The following ILKAP variants were observed in gnomAD, a reference collection of about 807,000 sequenced individuals.
ILKAP encodes the protein ILK associated serine/threonine phosphatase, also known as integrin-linked kinase-associated serine/threonine phosphatase 2C.
Under a neutral mutation model 49.1 loss-of-function variants are expected in ILKAP, and 11 were observed. That is an observed-to-expected ratio of 0.22 (90% CI 0.14 to 0.37). The LOEUF is 0.37. Among genes scored for constraint, ILKAP ranks in the 10% least tolerant of loss-of-function variants. The pLI is 1.00. For synonymous variants in ILKAP, 186 were observed against 192.8 expected (o/e 0.96, Z 0.29); for missense variants, 363 against 510.8 (o/e 0.71, Z 2.79).
At chr2:238,185,083 C>G (rs1693848789) in intron 6 of ILKAP, 98 bp downstream of exon 6, 1 of 745,282 alleles carries the variant, frequency 1.3e-6, no homozygotes, top group African/African-American at 1.7e-5. Flanking sequence ...ATCAATGATT[C>G]TCTGCTAAAG....
intron 10 of ILKAP, among the ~76,000 whole-genome samples, chr2:238,173,323 C>T (rs1211864009): frequency 6.6e-6 from 1 of 150,650 alleles, no homozygotes; most frequent in Non-Finnish European, 1.5e-5. Context: ...ATGCCTAGGA[C>T]ACACTGGACT....
At chr2:238,173,484 GAAAT>G (rs1323309882) in intron 10 of ILKAP, 46 bp downstream of exon 10, 3 of 1,591,710 alleles carry the variant, frequency 1.9e-6, no homozygotes, top group South Asian at 2.2e-5. Context: ...GTGAGGAAGA[GAAAT>G]AAACCCACAT....
At chr2:238,202,704 T>C (rs945271247) in intron 1 of ILKAP, among the ~76,000 whole-genome samples, 9 of 152,080 alleles carry the variant, frequency 5.9e-5, no homozygotes, top group African/African-American at 1.9e-4. Flanking sequence ...TTCACGCGTT[T>C]TGACAGATGA....
At chr2:238,203,251 G>A (rs1181183169) in intron 1 of ILKAP, among the ~76,000 whole-genome samples, 2 of 150,976 alleles carry the variant, frequency 1.3e-5, no homozygotes, top group African/African-American at 2.4e-5. Flanking sequence ...GGCCACGACG[G>A]CTCGGCCCTT....
At chr2:238,172,476 C>A (rs980732999) in intron 10 of ILKAP, among the ~76,000 whole-genome samples, 1 of 152,192 alleles carries the variant, frequency 6.6e-6, no homozygotes, top group Non-Finnish European at 1.5e-5. Context: ...GAGACTCAGA[C>A]CCTCAATAAC....
rs3832064 is a variant in ILKAP, at chr2:238,173,525, G to GC, written c.956+8dup. 1,319,376 of 1,611,516 alleles carry GC rather than the reference G, an allele frequency of 0.82. 541,834 individuals carry two copies. The highest frequency in any genetic ancestry group is 0.98 in the East Asian group (43,927 of 44,802). ...CACACACACCTGTGCCTCTTATAGG[G>GC]CCTTTTACCTGTCATTGGGGGTCAG... On this transcript the variant is annotated intron_variant, in intron 10 of 11. Transcript: ENST00000254654.
intron 1 of ILKAP, among the ~76,000 whole-genome samples, chr2:238,202,202 G>C (rs1389919969): frequency 6.6e-6 from 1 of 152,214 alleles, no homozygotes; most frequent in African/African-American, 2.4e-5. Context: ...TGGGCGACAA[G>C]AGTGAGACTC....
chr2:238,182,724 C>T (rs1159318334), intron 8 of ILKAP, among the ~76,000 whole-genome samples: 1 of 152,168 alleles, frequency 6.6e-6, no homozygotes, highest in African/African-American at 2.4e-5. Flanking sequence ...CAGAGCAGAG[C>T]CAGGATTCAA....
At chr2:238,177,304 T>C (rs929127405) in intron 9 of ILKAP, among the ~76,000 whole-genome samples, 2 of 152,262 alleles carry the variant, frequency 1.3e-5, no homozygotes, top group Admixed American at 6.5e-5. Flanking sequence ...GAGTTTTTCA[T>C]GTTTTTTATT....
chr2:238,195,921 T>G (rs1694322379), intron 1 of ILKAP, among the ~76,000 whole-genome samples: 1 of 151,238 alleles, frequency 6.6e-6, no homozygotes, highest in Non-Finnish European at 1.5e-5. Flanking sequence ...CAGGCGCCTG[T>G]AGTCCAAGCT....
chr2:238,196,204 C>G (rs536358864), intron 1 of ILKAP, among the ~76,000 whole-genome samples: 1 of 151,158 alleles, frequency 6.6e-6, no homozygotes, highest in East Asian at 2.0e-4. Context: ...TATTCTCCTG[C>G]CCCAGCCTCC....
intron 4 of ILKAP, 37 bp from the exon 5 acceptor site, chr2:238,188,294 G>A: frequency 1.2e-6 from 2 of 1,603,674 alleles, no homozygotes; most frequent in East Asian, 2.2e-5. Flanking sequence ...ATACAAAACT[G>A]TGCCCAACCC....
chr2:238,175,960 C>T (rs765684127), intron 9 of ILKAP, among the ~76,000 whole-genome samples: 110 of 152,020 alleles, frequency 7.2e-4, no homozygotes, highest in Non-Finnish European at 1.4e-3. Context: ...TATCCACATC[C>T]ATTTCTTAGA....
chr2:238,182,251 GA>G, intron 8 of ILKAP, 65 bp from the exon 9 acceptor site: 1 of 1,564,040 alleles, frequency 6.4e-7, no homozygotes. Flanking sequence ...GGTACCAGTT[GA>G]AAAAAACAGT....
At chr2:238,171,536 T>C (rs1317370397) in intron 10 of ILKAP, among the ~76,000 whole-genome samples, 4 of 152,230 alleles carry the variant, frequency 2.6e-5, no homozygotes, top group African/African-American at 9.7e-5. Context: ...GTGGATAGGA[T>C]GTTATACATC....
intron 9 of ILKAP, among the ~76,000 whole-genome samples, chr2:238,174,801 G>A (rs1693375620): frequency 2.0e-5 from 3 of 152,226 alleles, no homozygotes; most frequent in Admixed American, 1.3e-4. Flanking sequence ...GACTGAAGAT[G>A]GGTGGGGGCA....
chr2:238,179,066 G>A (rs926425129), intron 9 of ILKAP, among the ~76,000 whole-genome samples: 9 of 152,168 alleles, frequency 5.9e-5, no homozygotes, highest in Admixed American at 5.9e-4. Flanking sequence ...GCCTCCCGAA[G>A]TGCTGGGATT....
chr2:238,180,946 G>A (rs1216325288), intron 9 of ILKAP, among the ~76,000 whole-genome samples: 1 of 152,244 alleles, frequency 6.6e-6, no homozygotes, highest in East Asian at 1.9e-4. Flanking sequence ...GTCCACAGTA[G>A]TTACCAGGAC....
At chr2:238,184,213 C>T (rs545327458) in intron 6 of ILKAP, 100 bp from the exon 7 acceptor site, 22 of 745,980 alleles carry the variant, frequency 2.9e-5, no homozygotes, top group African/African-American at 5.2e-5. Flanking sequence ...TTTTTTGAGA[C>T]GGAGTCTCGT....
Sources: gnomAD v4.1 joint callset for allele counts (sites outside exome capture counted in the v4.1 genomes callset) on GRCh38, gnomAD v4.1.1 for gene constraint, MANE v1.5 for transcripts, NCBI Gene and HGNC (gene_info 2026-07-23, HGNC 2026-07-21) for gene names.